CDH20: variants seen among roughly 807,000 people sequenced by gnomAD.
The protein encoded by CDH20 is cadherin-20.
Under a neutral mutation model 74.2 loss-of-function variants are expected in CDH20, and 29 were observed. The observed-to-expected ratio is 0.39, with a 90% CI of 0.29 to 0.53. The LOEUF is 0.53. Among genes scored for constraint, CDH20 ranks in the 20% least tolerant of loss-of-function variants. The probability of loss-of-function intolerance (pLI) is 0.69; values close to 1 mark genes in which losing one functional copy is unlikely to be tolerated. For synonymous variants in CDH20, 469 were observed against 405.4 expected (o/e 1.16, Z -1.88); for missense variants, 988 against 1,048.3 (o/e 0.94, Z 0.79).
chr18:61,432,742 C>T (rs958753901), intron 1 of CDH20, among the ~76,000 whole-genome samples: 5 of 152,182 alleles, frequency 3.3e-5, no homozygotes, highest in South Asian at 2.1e-4. Context: ...GCCCTCCTCT[C>T]GCCTTCCTCC....
intron 1 of CDH20, among the ~76,000 whole-genome samples, chr18:61,468,360 G>A (rs79617886): frequency 0.013 from 1,921 of 152,174 alleles, 16 homozygotes; most frequent in Middle Eastern, 0.031. Flanking sequence ...AAGACATCAA[G>A]ATACGCTAAG....
At chr18:61,529,358 T>C (rs1912559172) in intron 7 of CDH20, among the ~76,000 whole-genome samples, 2 of 152,222 alleles carry the variant, frequency 1.3e-5, no homozygotes, top group South Asian at 4.1e-4. Flanking sequence ...CTTCTGTAGT[T>C]TAACAAGAAC....
chr18:61,359,427 C>A (rs1271040792), intron 1 of CDH20, among the ~76,000 whole-genome samples: 3 of 151,654 alleles, frequency 2.0e-5, no homozygotes, highest in African/African-American at 7.3e-5. Flanking sequence ...AAAAAAGAAA[C>A]CCGCAAAGCT....
chr18:61,542,080 A>C (rs1324366217), intron 9 of CDH20, among the ~76,000 whole-genome samples: 1 of 152,224 alleles, frequency 6.6e-6, no homozygotes, highest in East Asian at 1.9e-4. Context: ...GATATTCTGA[A>C]ACGACTTTCC....
chr18:61,444,005 C>T, intron 1 of CDH20, among the ~76,000 whole-genome samples: 1 of 152,196 alleles, frequency 6.6e-6, no homozygotes. Context: ...GTTGTCTGGA[C>T]CCGTTACTCT....
intron 1 of CDH20, among the ~76,000 whole-genome samples, chr18:61,385,929 C>T (rs1453742645): frequency 3.0e-5 from 2 of 66,174 alleles, no homozygotes; most frequent in Non-Finnish European, 6.2e-5. Context: ...GACTTTGTCT[C>T]AAAAAAAAAA....
At chr18:61,347,588 A>T (rs945170924) in intron 1 of CDH20, among the ~76,000 whole-genome samples, 1 of 151,740 alleles carries the variant, frequency 6.6e-6, no homozygotes, top group East Asian at 1.9e-4. Flanking sequence ...ACAAAAACAC[A>T]TGCTTTGTTA....
chr18:61,461,126 A>G (rs1160289666), intron 1 of CDH20, among the ~76,000 whole-genome samples: 1 of 152,086 alleles, frequency 6.6e-6, no homozygotes, highest in African/African-American at 2.4e-5. Flanking sequence ...TGGCCTATAC[A>G]AGTAGGGTAT....
At position 61,347,290 on chromosome 18, in the gene CDH20, ATATATAT is replaced by A. The variant is rs1568104038; in HGVS notation, c.-153+13464_-153+13470del. 7.6e-3 allele frequency among the ~76,000 whole-genome samples: 324 copies of A among 42,562 alleles called. 1 individual carries two copies. Among genetic ancestry groups the A allele is most frequent in the African/African-American group, 0.03 (314 of 10,560 alleles). The allele number at this position is 42,562 out of a possible 152,430, so 27.9% of individuals were successfully genotyped here. On this transcript the variant is annotated intron_variant, in intron 1 of 11. Transcript: ENST00000262717. ...ATGGTGAAACCTTGTCTCTGCTAAT[ATATATAT>A]ATATATATATATATATATATATACA...
chr18:61,453,035 A>G (rs1909446426), intron 1 of CDH20, among the ~76,000 whole-genome samples: 1 of 152,190 alleles, frequency 6.6e-6, no homozygotes, highest in Non-Finnish European at 1.5e-5. Flanking sequence ...CCCCACTGCT[A>G]ACTTCTTGGT....
intron 1 of CDH20, among the ~76,000 whole-genome samples, chr18:61,346,992 C>T (rs571587183): frequency 4.0e-5 from 6 of 151,830 alleles, no homozygotes; most frequent in Non-Finnish European, 7.4e-5. Context: ...GCTGGGTGTA[C>T]CAGATAACCC....
At chr18:61,463,907 G>C (rs1254055661) in intron 1 of CDH20, among the ~76,000 whole-genome samples, 2 of 152,082 alleles carry the variant, frequency 1.3e-5, no homozygotes, top group African/African-American at 4.8e-5. Context: ...TGCATCTTTA[G>C]AAGGGCCCAG....
At chr18:61,531,039 G>A (rs1912617433) in intron 7 of CDH20, among the ~76,000 whole-genome samples, 1 of 152,142 alleles carries the variant, frequency 6.6e-6, no homozygotes, top group African/African-American at 2.4e-5. Flanking sequence ...CATAATTCAC[G>A]AGTGTGTCCC....
intron 1 of CDH20, among the ~76,000 whole-genome samples, chr18:61,344,073 A>G (rs1910040297): frequency 1.3e-5 from 2 of 152,190 alleles, no homozygotes; most frequent in African/African-American, 4.8e-5. Context: ...CTTAGAGGCT[A>G]TTGGTTGACC....
chr18:61,451,994 C>A (rs1909403840), intron 1 of CDH20, among the ~76,000 whole-genome samples: 1 of 152,020 alleles, frequency 6.6e-6, no homozygotes, highest in African/African-American at 2.4e-5. Flanking sequence ...CTTAGTACCA[C>A]AATGATTCAA....
At chr18:61,527,469 T>A (rs1419570695) in intron 6 of CDH20, among the ~76,000 whole-genome samples, 1 of 152,064 alleles carries the variant, frequency 6.6e-6, no homozygotes, top group Non-Finnish European at 1.5e-5. Context: ...AACTTGCTCT[T>A]AATTGTTGTG....
At chr18:61,402,821 T>C (rs1019993835) in intron 1 of CDH20, among the ~76,000 whole-genome samples, 1 of 152,188 alleles carries the variant, frequency 6.6e-6, no homozygotes, top group African/African-American at 2.4e-5. Context: ...GAACATTTTT[T>C]TACACCAGAA....
rs185940621 is a variant in CDH20, at chr18:61,428,403, G to A, written c.-152-61999G>A. On this transcript the variant is annotated intron_variant, in intron 1 of 11. Transcript: ENST00000262717. ...TTTTTTGACATCCCTGGAACATCATGGGCCATTTTTCTTCTCCTTTGATCT... is the reference window on the plus strand; with the variant it reads ...TTTTTTGACATCCCTGGAACATCATAGGCCATTTTTCTTCTCCTTTGATCT... Among the ~76,000 whole-genome samples the A allele has an allele frequency of 1.6e-4, 25 of 152,264 alleles. No individual in the cohort carries two copies. The East Asian group carries it at 3.9e-3, about 24-fold the overall frequency.
At chr18:61,509,428 G>C (rs914209034) in intron 6 of CDH20, among the ~76,000 whole-genome samples, 3 of 152,100 alleles carry the variant, frequency 2.0e-5, no homozygotes, top group African/African-American at 7.2e-5. Flanking sequence ...TGAGGAAAGC[G>C]TTCCAAGCAA....
Sources: allele counts gnomAD v4.1 joint callset (sites outside exome capture counted in the v4.1 genomes callset), GRCh38; gene constraint gnomAD v4.1.1; transcripts MANE v1.5; gene names NCBI Gene and HGNC (gene_info 2026-07-23, HGNC 2026-07-21).